The following MTMR10 variants were observed in gnomAD, a reference collection of about 807,000 sequenced individuals.
MTMR10 encodes the protein myotubularin related protein 10, also known as myotubularin-related protein 10.
In MTMR10, 56 loss-of-function variants were observed where a neutral mutation model predicts 88.1. The observed-to-expected ratio is 0.64, with a 90% CI of 0.51 to 0.79. The LOEUF (loss-of-function observed/expected upper bound fraction) is 0.79. Among genes scored for constraint, MTMR10 ranks in the 30% least tolerant of loss-of-function variants. The pLI, the probability that MTMR10 is intolerant of heterozygous loss-of-function variation, is 0.00. For synonymous variants in MTMR10, 380 were observed against 340.9 expected (o/e 1.11, Z -1.26); for missense variants, 883 against 924.7 (o/e 0.95, Z 0.58).
In MTMR10 at chr15:30,940,105, T is replaced by C. The variant is rs2062988214; in HGVS notation, c.*1365A>G. 1 of 985,056 alleles carries C rather than the reference T, an allele frequency of 1.0e-6. No homozygotes were observed. Among genetic ancestry groups the C allele is most frequent in the Non-Finnish European group, 1.2e-6 (1 of 829,692 alleles). 61.0% of individuals were successfully genotyped at this position (985,056 alleles called of 1,614,324 possible). On this transcript the variant is annotated 3_prime_UTR_variant, in exon 16 of 16. Transcript: ENST00000435680. ...CTAACTAGACACTTTACTATAAAAA[T>C]TTTCCATATCTTAGGATGGCAGTTT...
intron 2 of MTMR10, among the ~76,000 whole-genome samples, chr15:30,987,880 A>ACCCCCCCC (rs2031049958): frequency 7.2e-6 from 1 of 139,038 alleles, no homozygotes; most frequent in Admixed American, 7.2e-5. Context: ...CACCCCCAAC[A>ACCCCCCCC]CCCCCGACAG....
intron 14 of MTMR10, chr15:30,943,825 A>G (rs2063124516): frequency 5.1e-6 from 5 of 985,326 alleles, no homozygotes; most frequent in Non-Finnish European, 6.0e-6. Context: ...AGCCCAGACC[A>G]TTTCTATGAA....
In MTMR10 at chr15:30,942,410, A is replaced by C. The variant is rs141744212; in HGVS notation, c.1732-338T>G. ...TCAAGAACAATGGCAAACTGAACAG[A>C]GGCAGTCAGGAGGCCAAATGTCTGA... On this transcript the variant is annotated intron_variant, in intron 15 of 15. Transcript: ENST00000435680. 1.8e-3 allele frequency: 625 copies of C among 343,100 alleles called. 1 individual carries two copies. The highest frequency in any genetic ancestry group is 0.011 in the African/African-American group (518 of 47,934). The allele number at this position is 343,100 out of a possible 1,614,324, so 21.3% of individuals were successfully genotyped here.
At chr15:30,927,385 G>A in the MTMR10 span, 1 of 985,550 alleles carries the variant, frequency 1.0e-6, no homozygotes, top group Non-Finnish European at 1.2e-6. Context: ...CTTGGCAACA[G>A]CCAGGAGTCC....
At chr15:30,952,992 G>T (rs964599446) in intron 11 of MTMR10, among the ~76,000 whole-genome samples, 4 of 152,104 alleles carry the variant, frequency 2.6e-5, no homozygotes, top group African/African-American at 9.7e-5. Flanking sequence ...GTTTCACCAT[G>T]TTGGCCAGGC....
At chr15:30,984,561 C>T (rs913580720) in intron 2 of MTMR10, among the ~76,000 whole-genome samples, 1 of 152,182 alleles carries the variant, frequency 6.6e-6, no homozygotes, top group Non-Finnish European at 1.5e-5. Context: ...GGAAATAAGA[C>T]GTATGGTGAG....
intron 15 of MTMR10, 108 bp from the exon 16 acceptor site, chr15:30,942,180 G>A (rs1019469429): frequency 1.8e-5 from 24 of 1,328,332 alleles, no homozygotes; most frequent in Non-Finnish European, 4.1e-6. Flanking sequence ...TGGAATTTCA[G>A]CCTCAAAGAA....
At chr15:30,961,152 A>G in intron 6 of MTMR10, 79 bp from the exon 7 acceptor site, 1 of 1,476,976 alleles carries the variant, frequency 6.8e-7, no homozygotes, top group Non-Finnish European at 9.0e-7. Context: ...CTCCTGTCAC[A>G]TGCATACTCT....
At chr15:30,957,257 TGG>T (rs1328389679) in intron 9 of MTMR10, among the ~76,000 whole-genome samples, 9 of 152,150 alleles carry the variant, frequency 5.9e-5, no homozygotes, top group Non-Finnish European at 1.3e-4. Flanking sequence ...CCTCATCTCA[TGG>T]AGTAAAAACG....
chr15:30,976,167 G>T (rs2030134579), intron 3 of MTMR10, among the ~76,000 whole-genome samples: 1 of 150,832 alleles, frequency 6.6e-6, no homozygotes, highest in Non-Finnish European at 1.5e-5. Context: ...TTGGGAGGGG[G>T]AGGCAGGCAG....
intron 11 of MTMR10, among the ~76,000 whole-genome samples, chr15:30,952,355 AT>A (rs2063260776): frequency 6.6e-6 from 1 of 152,186 alleles, no homozygotes; most frequent in Admixed American, 6.5e-5. Flanking sequence ...TCAAAGGAGT[AT>A]ATTTTGTAAT....
At chr15:30,919,760 G>T in the MTMR10 span, among the ~76,000 whole-genome samples, 3 of 152,020 alleles carry the variant, frequency 2.0e-5, no homozygotes, top group Admixed American at 6.6e-5. Flanking sequence ...AGTGGAAGTG[G>T]ATCATCATGA....
At chr15:30,943,251 C>A (rs946039700) in intron 14 of MTMR10, 179 bp from the exon 15 acceptor site, 17 of 1,356,414 alleles carry the variant, frequency 1.3e-5, no homozygotes, top group Non-Finnish European at 1.6e-5. Context: ...GCTCAGAGGG[C>A]CCCACAGTCC....
downstream of MTMR10, among the ~76,000 whole-genome samples, chr15:30,935,846 T>C (rs182791905): frequency 3.3e-5 from 5 of 152,334 alleles, no homozygotes; most frequent in South Asian, 6.2e-4. Flanking sequence ...TCTTTTTTTT[T>C]CCTCTGGCTT....
At chr15:30,956,756 A>G (rs2063333220) in intron 9 of MTMR10, among the ~76,000 whole-genome samples, 1 of 152,234 alleles carries the variant, frequency 6.6e-6, no homozygotes, top group South Asian at 2.1e-4. Context: ...TCAGCTTAAT[A>G]AATCACTGAA....
At position 30,947,175 on chromosome 15, in the gene MTMR10, G is replaced by T; in HGVS notation, c.1503C>A (p.Gly501=). The part of the protein sequence containing the change: ...LYDSTRISLF[G]TFLFNSPHQR... Reference sequence around the variant, plus strand: ...GGTGAGGGGAGTTGAACAGGAAGGTGCCAAACAGTGAGATCCGGGTGCTGT... The same window carrying T: ...GGTGAGGGGAGTTGAACAGGAAGGTTCCAAACAGTGAGATCCGGGTGCTGT... Residue 501 remains glycine, a synonymous_variant, in exon 14 of 16, where the codon GGC becomes GGA. Transcript: ENST00000435680. 1 of 1,613,910 alleles carries T rather than the reference G, an allele frequency of 6.2e-7. No individual in the cohort carries two copies. The highest frequency in any genetic ancestry group is 8.5e-7 in the Non-Finnish European group (1 of 1,179,860).
Position 30,960,855 on chromosome 15 carries a change from T to C in MTMR10, c.758+26A>G, listed in dbSNP as rs764004380. ...CATAGGGAAGTGACTTCCAGCCATATATAACATTGCTAAAATTGTACTTAC... is the reference window on the plus strand; with the variant it reads ...CATAGGGAAGTGACTTCCAGCCATACATAACATTGCTAAAATTGTACTTAC... On this transcript the variant is annotated intron_variant, in intron 7 of 15. Transcript: ENST00000435680. The C allele has an allele frequency of 1.2e-5, 18 of 1,556,878 alleles. No individual in the cohort carries two copies. The South Asian group carries it at 1.6e-4, about 13-fold the overall frequency.
At chr15:30,973,206 A>G (rs1231973283) in intron 5 of MTMR10, among the ~76,000 whole-genome samples, 1 of 152,180 alleles carries the variant, frequency 6.6e-6, no homozygotes, top group Admixed American at 6.5e-5. Context: ...AGGCTTTAAG[A>G]GTTATCTAGT....
intron 11 of MTMR10, 44 bp from the exon 12 acceptor site, chr15:30,952,082 A>C (rs753982567): frequency 6.8e-7 from 1 of 1,477,260 alleles, no homozygotes; most frequent in Non-Finnish European, 9.4e-7. Flanking sequence ...TCAAATTTCC[A>C]CTACAAATAC....
Sources: allele counts gnomAD v4.1 joint callset (sites outside exome capture counted in the v4.1 genomes callset), GRCh38; gene constraint gnomAD v4.1.1; transcripts MANE v1.5; gene names NCBI Gene and HGNC (gene_info 2026-07-23, HGNC 2026-07-21).